Variants in IFI44L observed in about 807,000 individuals in gnomAD.
IFI44L encodes the protein interferon-induced protein 44-like.
IFI44L carries 40 observed loss-of-function variants against 39.3 expected under a neutral mutation model. That is an observed-to-expected ratio of 1.02 (90% CI 0.79 to 1.33). The LOEUF is 1.33. Among genes scored for constraint, IFI44L ranks in the 40% most tolerant of loss-of-function variants. The pLI is 0.00. For missense variants in IFI44L, 623 were observed against 549.0 expected (o/e 1.13, Z -1.35); for synonymous variants, 198 against 182.3 (o/e 1.09, Z -0.69).
At position 78,643,158 on chromosome 1, in the gene IFI44L, C is replaced by CTTTTTTTTTTTTTTTTTTT. The variant is rs1303490900; in HGVS notation, c.*1351_*1352insTTTTTTTTTTTTTTTTTTT. On this transcript the variant is annotated 3_prime_UTR_variant, in exon 9 of 9. Transcript: ENST00000370751. ...ATAGATATTAAGAAAGCAAGAGTTT[C>CTTTTTTTTTTTTTTTTTTT]TTATGTCCAGTTATGGAATATTTCC... 3 of 151,514 alleles carry CTTTTTTTTTTTTTTTTTTT rather than the reference C, an allele frequency of 2.0e-5. No homozygotes were observed. The highest frequency in any genetic ancestry group is 2.9e-5 in the Non-Finnish European group (2 of 67,850). The allele number at this position is 151,514 out of a possible 1,614,324, so 9.4% of individuals were successfully genotyped here.
At chr1:78,626,679 T>A (rs1652498486) in intron 1 of IFI44L, 1 of 151,982 alleles carries the variant, frequency 6.6e-6, no homozygotes, top group African/African-American at 2.4e-5. Context: ...TTTTCTTAAA[T>A]TTTTTTTAAA....
At chr1:78,633,530 G>A (rs1652831596) in intron 4 of IFI44L, among the ~76,000 whole-genome samples, 1 of 152,124 alleles carries the variant, frequency 6.6e-6, no homozygotes, top group African/African-American at 2.4e-5. Flanking sequence ...CCAGGCTTTG[G>A]GACTATGCAA....
chr1:78,644,622 A>T lies in IFI44L; in HGVS notation c.*2813A>T, dbSNP rs1392571361. Reference sequence around the variant, plus strand: ...TTCTACCACCCTGAGGGGTGGTGGGAATTATCATTTTGCTACATTTTAGAG... The same window carrying T: ...TTCTACCACCCTGAGGGGTGGTGGGTATTATCATTTTGCTACATTTTAGAG... On this transcript the variant is annotated 3_prime_UTR_variant, in exon 9 of 9. Coordinates refer to ENST00000370751, the MANE Select transcript of IFI44L (RefSeq NM_006820.4). 6.6e-6 allele frequency: 1 copy of T among 152,092 alleles called. No individual in the cohort carries two copies. Among genetic ancestry groups the T allele is most frequent in the African/African-American group, 2.4e-5 (1 of 41,426 alleles). The allele number at this position is 152,092 out of a possible 1,614,324, so 9.4% of individuals were successfully genotyped here. A position where few individuals can be genotyped will look rare whatever the true frequency, so the allele number is the denominator to read the frequency against.
At position 78,628,187 on chromosome 1, in the gene IFI44L, A is replaced by G; in HGVS notation, c.272A>G (p.Asn91Ser). ...CTATGGTTTTCACTTCAAAAGAAAA[A>G]TGACACCACTGAAATAGAAACTTTA... ...DSLWFSLQKK[N>S]DTTEIETLLL... The change falls in exon 2 of 9, where the codon AAT becomes AGT. Residue 91 changes from asparagine to serine, a missense_variant. By Grantham distance (46) the Asn-to-Ser change is conservative (BLOSUM62 1). Coordinates refer to ENST00000370751, the MANE Select transcript of IFI44L (RefSeq NM_006820.4). 2 of 1,612,936 alleles carry G rather than the reference A, an allele frequency of 1.2e-6. No homozygotes were observed. Among genetic ancestry groups the G allele is most frequent in the Non-Finnish European group, 1.7e-6 (2 of 1,179,446 alleles).
chr1:78,637,018 T>C lies in IFI44L; in HGVS notation c.877-14T>C, dbSNP rs767658312. On this transcript the variant is annotated splice_polypyrimidine_tract_variant and intron_variant, in intron 5 of 8. Coordinates refer to ENST00000370751, the MANE Select transcript of IFI44L (RefSeq NM_006820.4). ...TCTCTGATTTCTGAATGTTACCTTATGTTTTTATAACAGTTTAATTCCCGT... is the reference window on the plus strand; with the variant it reads ...TCTCTGATTTCTGAATGTTACCTTACGTTTTTATAACAGTTTAATTCCCGT... 2 of 1,593,134 alleles carry C rather than the reference T, an allele frequency of 1.3e-6. No individual in the cohort carries two copies. The highest frequency in any genetic ancestry group is 1.7e-6 in the Non-Finnish European group (2 of 1,163,384).
At chr1:78,634,899 A>T (rs931183302) in intron 4 of IFI44L, among the ~76,000 whole-genome samples, 9 of 151,216 alleles carry the variant, frequency 6.0e-5, no homozygotes, top group African/African-American at 2.2e-4. Context: ...AAATATGTTT[A>T]TTTTTTGTAA....
At chr1:78,629,320 A>T (rs1215607877) in intron 3 of IFI44L, among the ~76,000 whole-genome samples, 1 of 152,168 alleles carries the variant, frequency 6.6e-6, no homozygotes, top group African/African-American at 2.4e-5. Flanking sequence ...TGTCAAAAAC[A>T]AACTTTCTTT....
intron 1 of IFI44L, chr1:78,620,777 ATAGT>A (rs1652245387): frequency 6.6e-6 from 1 of 152,198 alleles, no homozygotes; most frequent in Admixed American, 6.5e-5. Flanking sequence ...ATTGTTAACT[ATAGT>A]TAAACTGTTG....
At chr1:78,628,924 G>T (rs748790563) in intron 2 of IFI44L, 27 bp from the exon 3 acceptor site, 1 of 1,417,800 alleles carries the variant, frequency 7.1e-7, no homozygotes, top group Non-Finnish European at 9.9e-7. Flanking sequence ...TTTTAAAAAT[G>T]TATTATGCTA....
At chr1:78,625,131 G>C (rs1354631328) in intron 1 of IFI44L, among the ~76,000 whole-genome samples, 1 of 150,664 alleles carries the variant, frequency 6.6e-6, no homozygotes, top group Admixed American at 6.6e-5. Flanking sequence ...ATTTATAAAA[G>C]AGATTGGCCT....
intron 1 of IFI44L, among the ~76,000 whole-genome samples, chr1:78,624,584 T>G (rs769813786): frequency 2.6e-5 from 4 of 152,172 alleles, no homozygotes; most frequent in Non-Finnish European, 5.9e-5. Flanking sequence ...TATATGCCTA[T>G]TAGGTCCATT....
intron 1 of IFI44L, 44 bp from the exon 2 acceptor site, chr1:78,627,860 TAC>T: frequency 9.1e-7 from 1 of 1,098,668 alleles, no homozygotes; most frequent in East Asian, 2.7e-5. Flanking sequence ...AGCTATAAGC[TAC>T]TATATTATAT....
chr1:78,635,399 C>T lies in IFI44L; in HGVS notation c.786C>T (p.Asp262=), dbSNP rs1268649568. 6.2e-7 allele frequency: 1 copy of T among 1,612,730 alleles called. No individual in the cohort carries two copies. The highest frequency in any genetic ancestry group is 1.7e-5 in the Admixed American group (1 of 59,968). The stretch of plus-strand genomic sequence containing the variant: ...AATCTCTGCCATTTATGTTGTGTGA[C>T]ACTATGGGGCTAGATGGGGCAGAAG... ...NGKSLPFMLC[D]TMGLDGAEGA... Residue 262 remains aspartate, a synonymous_variant, in exon 5 of 9, where the codon GAC becomes GAT. Transcript: ENST00000370751.
intron 1 of IFI44L, chr1:78,625,520 T>G (rs1463905295): frequency 6.6e-6 from 1 of 152,100 alleles, no homozygotes; most frequent in Non-Finnish European, 1.5e-5. Context: ...ATTCTTTCCC[T>G]TTTTTCCCTT....
Position 78,629,737 on chromosome 1 carries a change from T to A in IFI44L, c.545T>A (p.Leu182Gln), listed in dbSNP as rs1298946380. 2.5e-6 allele frequency: 4 copies of A among 1,612,074 alleles called. No individual in the cohort carries two copies. The highest frequency in any genetic ancestry group is 4.5e-5 in the East Asian group (2 of 44,820). ...TTTAACAGGCACAGAAATAGGCTTC[T>A]AGCAGACATCAGAGACTATAGGCCC... ...IKAREHRNRL[L>Q]ADIRDYRPYA... Residue 182 changes from leucine (L) to glutamine (Q), a missense_variant, in exon 4 of 9, where the codon CTA becomes CAA. Physicochemically the swap from Leu to Gln is moderately radical, Grantham distance 113. Coordinates refer to ENST00000370751, the MANE Select transcript of IFI44L (RefSeq NM_006820.4).
At position 78,644,788 on chromosome 1, in the gene IFI44L, T is replaced by A. The variant is rs554906527; in HGVS notation, c.*2979T>A. The A allele has an allele frequency of 6.6e-6, 1 of 152,328 alleles. No individual in the cohort carries two copies. The highest frequency in any genetic ancestry group is 1.9e-4 in the East Asian group (1 of 5,186). 9.4% of individuals were successfully genotyped at this position (152,328 alleles called of 1,614,324 possible). A position where few individuals can be genotyped will look rare whatever the true frequency, so the allele number is the denominator to read the frequency against. ...TATATGTGTGTTGGCTGGGAGAATATCATCTTAAAGTGAGAGTGATGTTGT... is the reference window on the plus strand; with the variant it reads ...TATATGTGTGTTGGCTGGGAGAATAACATCTTAAAGTGAGAGTGATGTTGT... On this transcript the variant is annotated 3_prime_UTR_variant, in exon 9 of 9. Transcript: ENST00000370751.
At position 78,620,587 on chromosome 1, in the gene IFI44L, A is replaced by G. The variant is rs562171942; in HGVS notation, c.-11+16A>G. On this transcript the variant is annotated intron_variant, in intron 1 of 8. Coordinates refer to ENST00000370751, the MANE Select transcript of IFI44L (RefSeq NM_006820.4). ...CTAGAAACAGGTAAGCGACTTTTTA[A>G]TTGAAACATAGTATTTGTACGTATT... The G allele has an allele frequency of 6.6e-6, 1 of 152,288 alleles. No homozygotes were observed. Among genetic ancestry groups the G allele is most frequent in the South Asian group, 2.1e-4 (1 of 4,820 alleles). 9.4% of individuals were successfully genotyped at this position (152,288 alleles called of 1,614,324 possible). A position where few individuals can be genotyped will look rare whatever the true frequency, so the allele number is the denominator to read the frequency against.
At chr1:78,640,034 A>G (rs1419103873) in intron 6 of IFI44L, among the ~76,000 whole-genome samples, 1 of 152,150 alleles carries the variant, frequency 6.6e-6, no homozygotes, top group Non-Finnish European at 1.5e-5. Flanking sequence ...AAGTCTGAGT[A>G]GTGAACATTA....
At chr1:78,639,839 A>G (rs553921333) in intron 6 of IFI44L, among the ~76,000 whole-genome samples, 1 of 152,256 alleles carries the variant, frequency 6.6e-6, no homozygotes, top group African/African-American at 2.4e-5. Context: ...TCACATATTT[A>G]GGTTCCGAAA....
Sources: gnomAD v4.1 joint callset for allele counts (sites outside exome capture counted in the v4.1 genomes callset) on GRCh38, gnomAD v4.1.1 for gene constraint, MANE v1.5 for transcripts, NCBI Gene and HGNC (gene_info 2026-07-23, HGNC 2026-07-21) for gene names.